EN1: variants seen among roughly 807,000 people sequenced by gnomAD.
EN1 encodes the protein engrailed homeobox 1, also known as homeobox protein engrailed-1.
A neutral mutation model predicts 22.9 loss-of-function variants in EN1; 8 were observed. The ratio of observed to expected loss-of-function variants is 0.35; its 90% CI spans 0.20 to 0.63. EN1 has a LOEUF of 0.63. EN1 is among the 20% of genes least tolerant of loss of function. The probability of loss-of-function intolerance (pLI) is 0.73; values close to 1 mark genes in which losing one functional copy is unlikely to be tolerated. For missense variants in EN1, 521 were observed against 572.1 expected, an observed-to-expected ratio of 0.91 and a Z score of 0.91; for synonymous variants, 287 against 262.5, an observed-to-expected ratio of 1.09 and a Z score of -0.90.
intron 1 of EN1, 125 bp from the exon 2 acceptor site, chr2:118,843,379 G>T: frequency 1.2e-6 from 1 of 866,256 alleles, no homozygotes; most frequent in Non-Finnish European, 1.7e-6. Context: ...CCGCGCTTCC[G>T]GGGCGATCTC....
At position 118,846,449 on chromosome 2, in the gene EN1, G is replaced by C. The variant is rs778294120; in HGVS notation, c.719C>G (p.Thr240Ser). The C allele has an allele frequency of 6.2e-7, 1 of 1,611,612 alleles. No homozygotes were observed. Among genetic ancestry groups the C allele is most frequent in the South Asian group, 1.1e-5 (1 of 90,874 alleles). Reference protein sequence around the residue: ...GGAGSPGAQGTKYPEHGNPAI... With the variant: ...GGAGSPGAQGSKYPEHGNPAI... ...CGGGTTGCCGTGCTCCGGGTATTTGGTGCCCTGCGCTCCGGGGCTCCCCGC... is the reference window on the plus strand; with the variant it reads ...CGGGTTGCCGTGCTCCGGGTATTTGCTGCCCTGCGCTCCGGGGCTCCCCGC... Residue 240 changes from threonine to serine, a missense_variant, in exon 1 of 2, where the codon ACC becomes AGC. This residue lies in a region of EN1 where 436 missense variants were observed against 410.1 expected (regional missense o/e 1.06). Coordinates refer to ENST00000295206, the MANE Select transcript of EN1 (RefSeq NM_001426.4). The surrounding 1 kb of genome is among the most constrained non-coding windows in gnomAD (Gnocchi z 5.0).
intron 1 of EN1, among the ~76,000 whole-genome samples, chr2:118,845,276 C>T (rs895463978): frequency 2.0e-5 from 3 of 152,194 alleles, no homozygotes; most frequent in South Asian, 2.1e-4. Context: ...TTCCCGGCCC[C>T]CTGCCGGACC....
In EN1 at chr2:118,842,563, AAGG is replaced by A. The variant is rs1558800150; in HGVS notation, c.*372_*374del. ...TATAATAATTATAACAATAATAATA[AAGG>A]AGATTAATAAAAATGTCCAGCAAAT... On this transcript the variant is annotated 3_prime_UTR_variant, in exon 2 of 2. Transcript: ENST00000295206. 2 of 155,074 alleles carry A rather than the reference AAGG, an allele frequency of 1.3e-5. No individual in the cohort carries two copies. Among genetic ancestry groups the A allele is most frequent in the African/African-American group, 4.8e-5 (2 of 41,446 alleles). 9.6% of individuals were successfully genotyped at this position (155,074 alleles called of 1,614,324 possible).
chr2:118,846,943 G>A lies in EN1; in HGVS notation c.225C>T (p.Pro75=). ...GAGGCGGCGGGGGCGGGGGGTGTGG[G>A]GGGAGGTGCGGGTGGTGGGCCAGGG... ...LPPLAHHPHL[P]PHPPPPPPQH... The change falls in exon 1 of 2, where the codon CCC becomes CCT. Residue 75 remains proline, a synonymous_variant. Coordinates refer to ENST00000295206, the MANE Select transcript of EN1 (RefSeq NM_001426.4). This position sits in a 1 kb window ranked among gnomAD's most constrained non-coding sequence, Gnocchi z 5.0. 6.8e-7 allele frequency: 1 copy of A among 1,471,736 alleles called. No homozygotes were observed. The highest frequency in any genetic ancestry group is 8.9e-7 in the Non-Finnish European group (1 of 1,117,788). The allele number at this position is 1,471,736 out of a possible 1,614,324, so 91.2% of individuals were successfully genotyped here. A position where few individuals can be genotyped will look rare whatever the true frequency, so the allele number is the denominator to read the frequency against.
rs757827789 is a variant in EN1 at position 118,846,536 on chromosome 2, G to A, written c.632C>T (p.Ala211Val). 72 of 1,186,264 alleles carry A rather than the reference G, an allele frequency of 6.1e-5. No homozygotes were observed. The Middle Eastern group carries it at 1.6e-3, about 27-fold the overall frequency. 73.5% of individuals were successfully genotyped at this position (1,186,264 alleles called of 1,614,324 possible). Residue 211 changes from alanine (A) to valine (V), a missense_variant, in exon 1 of 2, where the codon GCG (alanine) becomes GTG (valine). By Grantham distance (64) the Ala-to-Val change is moderately conservative (BLOSUM62 0). This residue lies in a region of EN1 where 436 missense variants were observed against 410.1 expected (regional missense o/e 1.06). Coordinates refer to ENST00000295206, the MANE Select transcript of EN1 (RefSeq NM_001426.4). The surrounding 1 kb of genome is among the most constrained non-coding windows in gnomAD (Gnocchi z 5.0). ...CTTGGCTGCTGCGGCCGCCGCCGCC[G>A]CCGCCACTGCCGCCGCGGCCGCCGC... is the stretch of plus-strand genomic sequence containing the variant. The part of the protein sequence containing the change: ...AAAAAAAAVA[A>V]AAAAAAAKPS...
Position 118,846,922 on chromosome 2 carries a change from C to T in EN1, c.246G>A (p.Pro82=). The change falls in exon 1 of 2, where the codon CCG becomes CCA. Residue 82 remains proline, a synonymous_variant. Transcript: ENST00000295206. The surrounding 1 kb of genome is among the most constrained non-coding windows in gnomAD (Gnocchi z 5.0). ...GAGCAGGCGCCGCGAGATGCTGAGG[C>T]GGCGGGGGCGGGGGGTGTGGGGGGA... ...PHLPPHPPPP[P]PQHLAAPAHQ... is the part of the protein sequence containing the mutation. 2.3e-6 allele frequency: 1 copy of T among 442,482 alleles called. No homozygotes were observed. Among genetic ancestry groups the T allele is most frequent in the Non-Finnish European group, 3.6e-6 (1 of 275,618 alleles). 27.4% of individuals were successfully genotyped at this position (442,482 alleles called of 1,614,324 possible).
rs1558800232 is a variant in EN1, at chr2:118,842,863, T to TC, written c.*74dup. 2 of 1,515,046 alleles carry TC rather than the reference T, an allele frequency of 1.3e-6. No homozygotes were observed. The highest frequency in any genetic ancestry group is 4.3e-5 in the Admixed American group (2 of 46,440). The allele number at this position is 1,515,046 out of a possible 1,614,324, so 93.9% of individuals were successfully genotyped here. A position where few individuals can be genotyped will look rare whatever the true frequency, so the allele number is the denominator to read the frequency against. ...CTCCCTCCTTGGAGCAGATGCTTTCTCCCCCAGCGAGGGGCCGGGAGACGA... is the reference window on the plus strand; with the variant it reads ...CTCCCTCCTTGGAGCAGATGCTTTCTCCCCCCAGCGAGGGGCCGGGAGACGA... On this transcript the variant is annotated 3_prime_UTR_variant, in exon 2 of 2. Coordinates refer to ENST00000295206, the MANE Select transcript of EN1 (RefSeq NM_001426.4).
chr2:118,843,475 T>C (rs2104609708), intron 1 of EN1, among the ~76,000 whole-genome samples: 1 of 152,052 alleles, frequency 6.6e-6, no homozygotes, highest in East Asian at 1.9e-4. Flanking sequence ...GGTCCCCGGG[T>C]TCCCTTTGGG....
chr2:118,845,795 T>A (rs1479034300), intron 1 of EN1, among the ~76,000 whole-genome samples: 1 of 152,166 alleles, frequency 6.6e-6, no homozygotes, highest in Non-Finnish European at 1.5e-5. Flanking sequence ...TTCCCATGTT[T>A]ATCAATGTAA....
At chr2:118,845,201 C>A (rs1678249566) in intron 1 of EN1, among the ~76,000 whole-genome samples, 1 of 152,224 alleles carries the variant, frequency 6.6e-6, no homozygotes, top group Non-Finnish European at 1.5e-5. Flanking sequence ...CATCGATCCG[C>A]GCCCGGCCGG....
At chr2:118,844,746 A>G (rs1678243031) in intron 1 of EN1, among the ~76,000 whole-genome samples, 1 of 152,208 alleles carries the variant, frequency 6.6e-6, no homozygotes, top group African/African-American at 2.4e-5. Context: ...GGCCTAGCAT[A>G]CTGCAGCGAC....
Position 118,847,184 on chromosome 2 carries a change from GC to G in EN1, c.-18del. ...TTCTTCCATGCTCGGCCGCCCCGCC[GC>G]CCCGGCCGCCGCGCCGGCCCCCGCC... On this transcript the variant is annotated 5_prime_UTR_variant, in exon 1 of 2. Transcript: ENST00000295206. The G allele has an allele frequency of 2.6e-6, 2 of 773,784 alleles. No individual in the cohort carries two copies. Among genetic ancestry groups the G allele is most frequent in the Non-Finnish European group, 1.8e-6 (1 of 545,730 alleles). The allele number at this position is 773,784 out of a possible 1,614,324, so 47.9% of individuals were successfully genotyped here. A position where few individuals can be genotyped will look rare whatever the true frequency, so the allele number is the denominator to read the frequency against.
Position 118,842,765 on chromosome 2 carries a change from A to T in EN1, c.*173T>A. 1 of 1,164,660 alleles carries T rather than the reference A, an allele frequency of 8.6e-7. No homozygotes were observed. Among genetic ancestry groups the T allele is most frequent in the South Asian group, 1.7e-5 (1 of 58,190 alleles). The allele number at this position is 1,164,660 out of a possible 1,614,324, so 72.1% of individuals were successfully genotyped here. A position where few individuals can be genotyped will look rare whatever the true frequency, so the allele number is the denominator to read the frequency against. On this transcript the variant is annotated 3_prime_UTR_variant, in exon 2 of 2. Coordinates refer to ENST00000295206, the MANE Select transcript of EN1 (RefSeq NM_001426.4). ...GTCCGAGTCTTTCTCCCTTTTCAAAAATGCTGCGTTTCAACGTCATTGTCC... is the reference window on the plus strand; with the variant it reads ...GTCCGAGTCTTTCTCCCTTTTCAAATATGCTGCGTTTCAACGTCATTGTCC...
chr2:118,845,430 C>A (rs1172829974), intron 1 of EN1, among the ~76,000 whole-genome samples: 1 of 152,170 alleles, frequency 6.6e-6, no homozygotes, highest in East Asian at 1.9e-4. Flanking sequence ...GAGGGGCACA[C>A]GGAAAAGTGG....
chr2:118,842,828 C>T lies in EN1; in HGVS notation c.*110G>A, dbSNP rs1010103819. The T allele has an allele frequency of 9.2e-5, 132 of 1,441,130 alleles. No homozygotes were observed. Among genetic ancestry groups the T allele is most frequent in the Non-Finnish European group, 4.3e-5 (47 of 1,096,510 alleles). 89.3% of individuals were successfully genotyped at this position (1,441,130 alleles called of 1,614,324 possible). On this transcript the variant is annotated 3_prime_UTR_variant, in exon 2 of 2. Transcript: ENST00000295206. ...TCTTTCTGTCTCTCTCGCTCTTTTC[C>T]CTGCGCTCCCTCCCTCCTTGGAGCA...
chr2:118,846,815 T>G lies in EN1; in HGVS notation c.353A>C (p.Lys118Thr). 1 of 1,594,982 alleles carries G rather than the reference T, an allele frequency of 6.3e-7. No individual in the cohort carries two copies. Among genetic ancestry groups the G allele is most frequent in the Non-Finnish European group, 8.5e-7 (1 of 1,176,858 alleles). ...AAGCTGCGGTGGCGGCTGCTCCTTT[T>G]TGCAGCCGAAGTCCGGCCTCAGGAT... ...DNILRPDFGCKKEQPPPQLLV... is the reference protein window; with the variant it reads ...DNILRPDFGCTKEQPPPQLLV... The change falls in exon 1 of 2, where the codon AAA (lysine) becomes ACA (threonine). Residue 118 changes from lysine (K) to threonine (T), a missense_variant. Around this residue, in one of 3 missense-constraint regions of EN1, gnomAD observed 436 missense variants for 410.1 expected, o/e 1.06. Transcript: ENST00000295206. The surrounding 1 kb of genome is among the most constrained non-coding windows in gnomAD (Gnocchi z 5.0).
At chr2:118,843,711 G>A (rs897750159) in intron 1 of EN1, among the ~76,000 whole-genome samples, 2 of 152,142 alleles carry the variant, frequency 1.3e-5, no homozygotes, top group African/African-American at 4.8e-5. Context: ...GGGGCAGTGA[G>A]GGCAGGCCCT....
chr2:118,846,199 A>C lies in EN1; in HGVS notation c.862+107T>G, dbSNP rs1300559621. 2.7e-6 allele frequency: 4 copies of C among 1,484,978 alleles called. No homozygotes were observed. Among genetic ancestry groups the C allele is most frequent in the Non-Finnish European group, 3.6e-6 (4 of 1,110,088 alleles). The allele number at this position is 1,484,978 out of a possible 1,614,324, so 92.0% of individuals were successfully genotyped here. On this transcript the variant is annotated intron_variant, in intron 1 of 1. Transcript: ENST00000295206. This position sits in a 1 kb window ranked among gnomAD's most constrained non-coding sequence, Gnocchi z 5.0. ...TGGGGTGAGGAAGCAGGCGTGAGAG[A>C]CTGGAGTACCCGAGGCCGGGTTTGC...
chr2:118,842,654 GTT>G lies in EN1; in HGVS notation c.*282_*283del. 1 of 372,984 alleles carries G rather than the reference GTT, an allele frequency of 2.7e-6. No homozygotes were observed. Among genetic ancestry groups the G allele is most frequent in the Admixed American group, 4.3e-5 (1 of 23,054 alleles). 23.1% of individuals were successfully genotyped at this position (372,984 alleles called of 1,614,324 possible). Reference sequence around the variant, plus strand: ...TTAAATATATACAAGGTCGTAAGCGGTTTGGCTAGATAGAGCTTTAAGGAGTT... The same window carrying G: ...TTAAATATATACAAGGTCGTAAGCGGTGGCTAGATAGAGCTTTAAGGAGTT... On this transcript the variant is annotated 3_prime_UTR_variant, in exon 2 of 2. Coordinates refer to ENST00000295206, the MANE Select transcript of EN1 (RefSeq NM_001426.4).
Sources: gnomAD v4.1 joint callset for allele counts (sites outside exome capture counted in the v4.1 genomes callset) on GRCh38, gnomAD v4.1.1 for gene constraint, gnomAD v4.1.1 regional missense constraint, Gnocchi (gnomAD v3.1) non-coding constraint, MANE v1.5 for transcripts, NCBI Gene and HGNC (gene_info 2026-07-23, HGNC 2026-07-21) for gene names.